MEGF11: variants seen among roughly 807,000 people sequenced by gnomAD.
MEGF11 encodes multiple epidermal growth factor-like domains protein 11.
Under a neutral mutation model 146.6 loss-of-function variants are expected in MEGF11, and 126 were observed. That is an observed-to-expected ratio of 0.86 (90% CI 0.74 to 1.00). MEGF11 has a LOEUF of 1.00. Ranked by LOEUF, MEGF11 falls within the 50% of genes least tolerant of loss-of-function variation. The pLI, the probability that MEGF11 is intolerant of heterozygous loss-of-function variation, is 0.00. For synonymous variants in MEGF11, 532 were observed against 583.4 expected, an observed-to-expected ratio of 0.91 and a Z score of 1.27; for missense variants, 1,509 against 1,521.2, an observed-to-expected ratio of 0.99 and a Z score of 0.13.
At chr15:66,009,401 C>T (rs2082632592) in intron 5 of MEGF11, among the ~76,000 whole-genome samples, 1 of 151,922 alleles carries the variant, frequency 6.6e-6, no homozygotes, top group South Asian at 2.1e-4. Context: ...CTTGGGGATG[C>T]TTCCTAGTGG....
At chr15:66,003,033 C>A (rs1272297849) in intron 5 of MEGF11, among the ~76,000 whole-genome samples, 1 of 151,734 alleles carries the variant, frequency 6.6e-6, no homozygotes, top group East Asian at 1.9e-4. Context: ...CTCTGTCACC[C>A]AGGCTGGAGT....
intron 1 of MEGF11, among the ~76,000 whole-genome samples, chr15:66,222,748 G>A (rs11636331): frequency 0.56 from 85,236 of 152,052 alleles, 24,770 homozygotes; most frequent in Non-Finnish European, 0.66. Context: ...GCTCAACACC[G>A]CTAATCCTCA....
chr15:66,123,600 C>T (rs945897354), intron 3 of MEGF11, among the ~76,000 whole-genome samples: 4 of 152,126 alleles, frequency 2.6e-5, no homozygotes, highest in Non-Finnish European at 4.4e-5. Flanking sequence ...TAGAACATGG[C>T]TAAGAGATGT....
intron 5 of MEGF11, among the ~76,000 whole-genome samples, chr15:66,069,249 G>A (rs916073640): frequency 1.1e-4 from 16 of 152,338 alleles, no homozygotes; most frequent in Admixed American, 2.6e-4. Context: ...GAAGGAAGTC[G>A]TCACAGTGAA....
intron 7 of MEGF11, among the ~76,000 whole-genome samples, chr15:65,972,332 A>G (rs1381437186): frequency 2.0e-5 from 3 of 152,242 alleles, no homozygotes; most frequent in Admixed American, 1.3e-4. Context: ...TAGCAAAAAT[A>G]TAAAACAAGA....
chr15:65,993,658 G>A (rs190400222), intron 5 of MEGF11, among the ~76,000 whole-genome samples: 4 of 152,334 alleles, frequency 2.6e-5, no homozygotes, highest in Admixed American at 1.3e-4. Flanking sequence ...GGGCGGGTAG[G>A]GGAGGGAGAG....
chr15:66,121,552 C>G (rs2126699), intron 3 of MEGF11, among the ~76,000 whole-genome samples: 121,807 of 152,146 alleles, frequency 0.8, 49,290 homozygotes, highest in East Asian at 0.89. Flanking sequence ...AGGGAATGGT[C>G]CTGGGCAAGT....
intron 1 of MEGF11, among the ~76,000 whole-genome samples, chr15:66,249,823 G>C (rs1372997425): frequency 6.6e-6 from 1 of 152,208 alleles, no homozygotes; most frequent in Non-Finnish European, 1.5e-5. Flanking sequence ...TTGGGAGTGT[G>C]GCCCAGTAAC....
chr15:65,978,295 C>T (rs2081517893), intron 7 of MEGF11, among the ~76,000 whole-genome samples: 1 of 152,200 alleles, frequency 6.6e-6, no homozygotes, highest in Non-Finnish European at 1.5e-5. Context: ...CTGGGAGGAG[C>T]CTCAGGCATG....
At chr15:66,056,068 T>C (rs2084662694) in intron 5 of MEGF11, among the ~76,000 whole-genome samples, 1 of 151,918 alleles carries the variant, frequency 6.6e-6, no homozygotes, top group Non-Finnish European at 1.5e-5. Context: ...AAATGCAGAG[T>C]GTCAGGCTCC....
chr15:66,244,518 G>A (rs990108370), intron 1 of MEGF11, among the ~76,000 whole-genome samples: 1 of 152,132 alleles, frequency 6.6e-6, no homozygotes, highest in Non-Finnish European at 1.5e-5. Context: ...TCAGGAAGAT[G>A]TATGCAATAG....
rs763373125 is a variant in MEGF11, at chr15:66,123,965, G to C, written c.134C>G (p.Pro45Arg). Residue 45 changes from proline to arginine, a missense_variant, in exon 3 of 26, where the codon CCC becomes CGC. Coordinates refer to ENST00000395614, the MANE Select transcript of MEGF11 (RefSeq NM_001385028.1). ...AVTVQESYAHPFDQIYYTRCT... is the reference protein window; with the variant it reads ...AVTVQESYAHRFDQIYYTRCT... ...TCGTGTGTAATAGATCTGATCGAAG[G>C]GGTGTGCATACGATTCCTGGACAGT... 1.6e-5 allele frequency: 26 copies of C among 1,613,862 alleles called. No individual in the cohort carries two copies. Among genetic ancestry groups the C allele is most frequent in the Non-Finnish European group, 2.2e-5 (26 of 1,179,882 alleles).
At chr15:65,905,312 T>C (rs2078593704) in intron 24 of MEGF11, 1 of 152,240 alleles carries the variant, frequency 6.6e-6, no homozygotes, top group South Asian at 2.1e-4. Context: ...ATGATAACCT[T>C]GTTAGACAGT....
intron 5 of MEGF11, among the ~76,000 whole-genome samples, chr15:65,992,166 T>C (rs918220841): frequency 2.0e-5 from 3 of 152,204 alleles, no homozygotes; most frequent in Admixed American, 1.3e-4. Context: ...ATTACCTTCC[T>C]CATCTCTATT....
chr15:66,209,318 C>T (rs1041483244), intron 1 of MEGF11, among the ~76,000 whole-genome samples: 4 of 152,016 alleles, frequency 2.6e-5, no homozygotes, highest in Non-Finnish European at 5.9e-5. Flanking sequence ...CCACTGCACT[C>T]CAGCCTGGGC....
At chr15:65,913,660 AC>A in intron 20 of MEGF11, 76 bp downstream of exon 20, 1 of 1,336,308 alleles carries the variant, frequency 7.5e-7, no homozygotes, top group Non-Finnish European at 1.0e-6. Flanking sequence ...ACAGCAGCCA[AC>A]CCTACAGGCA....
At chr15:66,201,497 CA>C (rs2091156897) in intron 1 of MEGF11, among the ~76,000 whole-genome samples, 1 of 152,042 alleles carries the variant, frequency 6.6e-6, no homozygotes, top group Non-Finnish European at 1.5e-5. Context: ...CAGCACTGGA[CA>C]GGGGTGATGC....
chr15:66,017,926 A>T (rs2082950335), intron 5 of MEGF11, among the ~76,000 whole-genome samples: 1 of 152,122 alleles, frequency 6.6e-6, no homozygotes, highest in Non-Finnish European at 1.5e-5. Context: ...CAAGGACAAG[A>T]GAGGGTTTCA....
chr15:66,084,928 C>T (rs34073102), intron 5 of MEGF11, among the ~76,000 whole-genome samples: 293 of 152,294 alleles, frequency 1.9e-3, no homozygotes, highest in Non-Finnish European at 3.2e-3. Flanking sequence ...TTGCCCTACA[C>T]CTGGAAACAG....
Sources: gnomAD v4.1 joint callset for allele counts (sites outside exome capture counted in the v4.1 genomes callset) on GRCh38, gnomAD v4.1.1 for gene constraint, MANE v1.5 for transcripts, NCBI Gene and HGNC (gene_info 2026-07-23, HGNC 2026-07-21) for gene names.